The following STK3 variants were observed in gnomAD, a reference collection of about 807,000 sequenced individuals.
STK3 encodes the protein serine/threonine-protein kinase 3.
STK3 carries 41 observed loss-of-function variants against 58.0 expected under a neutral mutation model. The ratio of observed to expected loss-of-function variants is 0.71; its 90% CI spans 0.55 to 0.92. The LOEUF is 0.92. Ranked by LOEUF, STK3 falls within the 40% of genes least tolerant of loss-of-function variation. The pLI, the probability that STK3 is intolerant of heterozygous loss-of-function variation, is 0.00. For synonymous variants in STK3, 170 were observed against 191.0 expected (o/e 0.89, Z 0.91); for missense variants, 479 against 602.7 (o/e 0.79, Z 2.15).
At chr8:98,840,826 G>T (rs1564053939) in intron 3 of STK3, among the ~76,000 whole-genome samples, 1 of 151,954 alleles carries the variant, frequency 6.6e-6, no homozygotes, top group East Asian at 1.9e-4. Context: ...TCAAAAGGCT[G>T]CAGTTGAGGC....
intron 6 of STK3, among the ~76,000 whole-genome samples, chr8:98,655,580 T>G (rs961291415): frequency 6.6e-6 from 1 of 151,630 alleles, no homozygotes; most frequent in African/African-American, 2.4e-5. Context: ...TTTCGCAACC[T>G]ACTCATCTGA....
intron 1 of STK3, among the ~76,000 whole-genome samples, chr8:98,824,787 ACTAT>A (rs1835145055): frequency 6.6e-6 from 1 of 152,214 alleles, no homozygotes; most frequent in African/African-American, 2.4e-5. Context: ...TCACAACAGC[ACTAT>A]CTGAGAGATT....
intron 2 of STK3, among the ~76,000 whole-genome samples, chr8:98,374,266 A>AG (rs1817645060): frequency 6.6e-6 from 1 of 152,120 alleles, no homozygotes; most frequent in East Asian, 1.9e-4. Context: ...TGAACAACTG[A>AG]GGGGTGGGTA....
At chr8:98,906,989 T>TAAAAAAATAAAAAAAAAAAAAAAAAAAAA (rs1838930617) in intron 1 of STK3, among the ~76,000 whole-genome samples, 1 of 94,784 alleles carries the variant, frequency 1.1e-5, no homozygotes, top group African/African-American at 4.2e-5. Context: ...TCTCTACCAA[T>TAAAAAAATAAAAAAAAAAAAAAAAAAAAA]AAAAAAAAAA....
chr8:98,450,548 T>C (rs1819152524), downstream of STK3, among the ~76,000 whole-genome samples: 1 of 152,186 alleles, frequency 6.6e-6, no homozygotes, highest in African/African-American at 2.4e-5. Flanking sequence ...GCCAGGCTCC[T>C]TCCGCCATGC....
intron 1 of STK3, among the ~76,000 whole-genome samples, chr8:98,903,478 A>G (rs1292377826): frequency 2.7e-5 from 4 of 150,686 alleles, no homozygotes; most frequent in Non-Finnish European, 5.9e-5. Flanking sequence ...TTCCACTTCA[A>G]TTTAGGAAGT....
intron 3 of STK3, among the ~76,000 whole-genome samples, chr8:98,396,126 T>A (rs904102804): frequency 1.3e-5 from 2 of 152,244 alleles, no homozygotes; most frequent in Admixed American, 1.3e-4. Flanking sequence ...AAAACTCAAT[T>A]AGAGACTCTA....
At chr8:98,846,405 A>G (rs772096082) in intron 3 of STK3, among the ~76,000 whole-genome samples, 7 of 152,154 alleles carry the variant, frequency 4.6e-5, no homozygotes, top group Non-Finnish European at 7.4e-5. Flanking sequence ...CTCTCTTCCT[A>G]TTTTTCAGTT....
rs149143071 is a variant in STK3 at position 98,780,418 on chromosome 8, G to A, written c.27-5599C>T. On this transcript the variant is annotated intron_variant, in intron 1 of 10. Transcript: ENST00000419617. The stretch of plus-strand genomic sequence containing the variant: ...GACCATCTTTTCATATGATTAAGAA[G>A]CTAAATCACCTACTTGTTCTTTGCT... 8.6e-3 allele frequency among the ~76,000 whole-genome samples: 1,314 copies of A among 152,160 alleles called. 10 individuals carry two copies. The highest frequency in any genetic ancestry group is 0.03 in the African/African-American group (1,238 of 41,526).
At chr8:98,671,466 G>A (rs1822825495) in intron 6 of STK3, among the ~76,000 whole-genome samples, 1 of 152,068 alleles carries the variant, frequency 6.6e-6, no homozygotes, top group Admixed American at 6.5e-5. Context: ...AAGACAGCAG[G>A]AAATAAAATA....
chr8:98,814,934 G>A (rs867856340), intron 1 of STK3, among the ~76,000 whole-genome samples: 6 of 152,168 alleles, frequency 3.9e-5, no homozygotes, highest in Admixed American at 1.3e-4. Context: ...TGCCTGCCTC[G>A]GCCTCCCAGG....
At chr8:98,673,038 A>G (rs1243875506) in intron 6 of STK3, among the ~76,000 whole-genome samples, 1 of 152,246 alleles carries the variant, frequency 6.6e-6, no homozygotes, top group African/African-American at 2.4e-5. Context: ...AATATCAAAA[A>G]TATCAGAAAG....
intron 7 of STK3, among the ~76,000 whole-genome samples, chr8:98,586,402 T>C (rs1471538079): frequency 1.3e-4 from 19 of 151,470 alleles, no homozygotes; most frequent in African/African-American, 4.6e-4. Context: ...ATTACATTTA[T>C]TGATTTGCAT....
chr8:98,781,861 C>T (rs1056935608), intron 1 of STK3, among the ~76,000 whole-genome samples: 2 of 151,722 alleles, frequency 1.3e-5, no homozygotes, highest in African/African-American at 4.8e-5. Context: ...AAAAATTAGC[C>T]AATAAAACAG....
At chr8:98,891,641 G>C (rs1345955191) in intron 1 of STK3, among the ~76,000 whole-genome samples, 1 of 151,870 alleles carries the variant, frequency 6.6e-6, no homozygotes, top group Non-Finnish European at 1.5e-5. Context: ...GAGAGAGAGA[G>C]AGAGAGAGAT....
rs556059833 is a variant in STK3 at position 98,841,113 on chromosome 8, G to A, written c.110+42534C>T. ...GTGAACAAGTGGAGAGAAGACAAGA[G>A]AGCAAGCAAAATGGAAGTCACAGTC... On this transcript the variant is annotated intron_variant, in intron 3 of 12. Transcript: ENST00000523601. 1.6e-4 allele frequency among the ~76,000 whole-genome samples: 24 copies of A among 152,318 alleles called. No individual in the cohort carries two copies. In the South Asian group the frequency reaches 4.6e-3, roughly 29 times the overall value.
intron 1 of STK3, among the ~76,000 whole-genome samples, chr8:98,910,084 T>C (rs1051674636): frequency 1.3e-5 from 2 of 152,246 alleles, no homozygotes; most frequent in Non-Finnish European, 2.9e-5. Context: ...GATTTGTCCT[T>C]CTGTGACTTA....
chr8:98,727,834 T>C lies in STK3; in HGVS notation c.352-20523A>G, dbSNP rs145607317. 2.0e-5 allele frequency among the ~76,000 whole-genome samples: 3 copies of C among 152,346 alleles called. No homozygotes were observed. The East Asian group carries it at 5.8e-4, about 29-fold the overall frequency. On this transcript the variant is annotated intron_variant, in intron 4 of 10. Transcript: ENST00000419617. ...TATTCATTTGCATTTGATTTCTCAT[T>C]TTACGGAACTCTCAGATGTTTCAGT...
At chr8:98,587,725 G>C (rs1408545461) in intron 7 of STK3, among the ~76,000 whole-genome samples, 1 of 152,034 alleles carries the variant, frequency 6.6e-6, no homozygotes, top group East Asian at 1.9e-4. Context: ...ATTAATGTGT[G>C]GGAGTCTAAG....
Sources: gnomAD v4.1 joint callset for allele counts (sites outside exome capture counted in the v4.1 genomes callset) on GRCh38, gnomAD v4.1.1 for gene constraint, MANE v1.5 for transcripts, NCBI Gene and HGNC (gene_info 2026-07-23, HGNC 2026-07-21) for gene names.